HS6ST3: variants seen among roughly 807,000 people sequenced by gnomAD.
The protein encoded by HS6ST3 is heparan sulfate 6-O-sulfotransferase 3.
HS6ST3 carries 12 observed loss-of-function variants against 36.7 expected under a neutral mutation model. The observed-to-expected ratio is 0.33, with a 90% CI of 0.21 to 0.53. HS6ST3 has a LOEUF of 0.53. HS6ST3 is among the 20% of genes least tolerant of loss of function. The pLI is 0.95. For synonymous variants in HS6ST3, 240 were observed against 257.5 expected, an observed-to-expected ratio of 0.93 and a Z score of 0.65; for missense variants, 584 against 640.9, an observed-to-expected ratio of 0.91 and a Z score of 0.96.
chr13:96,752,325 G>A (rs957931519), intron 1 of HS6ST3, among the ~76,000 whole-genome samples: 1 of 151,760 alleles, frequency 6.6e-6, no homozygotes, highest in Admixed American at 6.6e-5. Context: ...ATGCATCACC[G>A]TGTAATGGGC....
intron 1 of HS6ST3, among the ~76,000 whole-genome samples, chr13:96,523,225 A>G (rs895496578): frequency 6.6e-6 from 1 of 152,168 alleles, no homozygotes; most frequent in East Asian, 1.9e-4. Context: ...TTCTGCCGAG[A>G]GGGATCCGCT....
chr13:96,425,572 C>A (rs2055582458), intron 1 of HS6ST3, among the ~76,000 whole-genome samples: 1 of 149,700 alleles, frequency 6.7e-6, no homozygotes, highest in African/African-American at 2.6e-5. Context: ...ATATTTGCAT[C>A]TTTAAATCAT....
chr13:96,557,496 A>G (rs889680103), intron 1 of HS6ST3, among the ~76,000 whole-genome samples: 2 of 152,202 alleles, frequency 1.3e-5, no homozygotes, highest in African/African-American at 4.8e-5. Flanking sequence ...TCTTTCAATG[A>G]AAGGACAGTC....
intron 1 of HS6ST3, among the ~76,000 whole-genome samples, chr13:96,210,058 A>G (rs1203640110): frequency 6.6e-6 from 1 of 152,162 alleles, no homozygotes; most frequent in Non-Finnish European, 1.5e-5. Context: ...TTATTGAGTG[A>G]TTGAAAGACT....
chr13:96,497,320 T>C (rs1330694894), intron 1 of HS6ST3, among the ~76,000 whole-genome samples: 2 of 152,154 alleles, frequency 1.3e-5, no homozygotes, highest in Non-Finnish European at 1.5e-5. Flanking sequence ...AGGTTGGTCC[T>C]GCAGACTCAT....
At chr13:96,822,758 T>C (rs1878564196) in intron 1 of HS6ST3, among the ~76,000 whole-genome samples, 1 of 152,216 alleles carries the variant, frequency 6.6e-6, no homozygotes, top group African/African-American at 2.4e-5. Context: ...CACCCAGCCA[T>C]TGCATACAAA....
chr13:96,671,018 G>A (rs1158470798), intron 1 of HS6ST3, among the ~76,000 whole-genome samples: 1 of 152,084 alleles, frequency 6.6e-6, no homozygotes, highest in Non-Finnish European at 1.5e-5. Context: ...TTAGGGATAG[G>A]CTTTACTTTA....
chr13:96,690,849 A>G (rs377334277), intron 1 of HS6ST3, among the ~76,000 whole-genome samples: 32 of 152,150 alleles, frequency 2.1e-4, no homozygotes, highest in Non-Finnish European at 4.4e-4. Context: ...TCTCATTGTC[A>G]CTGCTCAACT....
intron 1 of HS6ST3, among the ~76,000 whole-genome samples, chr13:96,730,764 C>T (rs1399120484): frequency 1.3e-5 from 2 of 152,072 alleles, no homozygotes; most frequent in Non-Finnish European, 2.9e-5. Flanking sequence ...GATGCGGTTT[C>T]ACTCTGTGGT....
chr13:96,540,932 C>T (rs1214119421), intron 1 of HS6ST3, among the ~76,000 whole-genome samples: 3 of 152,130 alleles, frequency 2.0e-5, no homozygotes, highest in Non-Finnish European at 2.9e-5. Context: ...TCCATCTATG[C>T]GCAGATATAT....
At position 96,400,090 on chromosome 13, in the gene HS6ST3, G is replaced by A. The variant is rs71434515; in HGVS notation, c.707+308521G>A. 6.1e-4 allele frequency among the ~76,000 whole-genome samples: 93 copies of A among 151,838 alleles called. 1 individual carries two copies. The highest frequency in any genetic ancestry group is 1.5e-3 in the South Asian group (7 of 4,798). The stretch of plus-strand genomic sequence containing the variant: ...GAAGCTCAGGTCTTTCACCTTTTCA[G>A]TGGGAGCCACCTCTGCTTATCTCAG... On this transcript the variant is annotated intron_variant, in intron 1 of 1. Transcript: ENST00000376705.
At chr13:96,368,637 T>C (rs146116584) in intron 1 of HS6ST3, among the ~76,000 whole-genome samples, 17 of 152,326 alleles carry the variant, frequency 1.1e-4, no homozygotes, top group Non-Finnish European at 1.9e-4. Context: ...TTGTCAGTTA[T>C]ATATTTTCTC....
chr13:96,480,628 A>G (rs998967269), intron 1 of HS6ST3, among the ~76,000 whole-genome samples: 7 of 152,164 alleles, frequency 4.6e-5, no homozygotes, highest in African/African-American at 1.7e-4. Context: ...AACAGCACCA[A>G]TGATATCAGA....
intron 1 of HS6ST3, among the ~76,000 whole-genome samples, chr13:96,425,345 A>C (rs1026606967): frequency 3.9e-5 from 6 of 152,008 alleles, no homozygotes; most frequent in Non-Finnish European, 8.8e-5. Flanking sequence ...TTTTTGAATT[A>C]AATGTCCTAA....
intron 1 of HS6ST3, among the ~76,000 whole-genome samples, chr13:96,801,065 A>T (rs116652380): frequency 0.015 from 2,265 of 152,066 alleles, 53 homozygotes; most frequent in African/African-American, 0.052. Context: ...TTCTTATGTC[A>T]TTTGGTCTTT....
At chr13:96,284,811 C>A (rs1347990785) in intron 1 of HS6ST3, among the ~76,000 whole-genome samples, 1 of 152,002 alleles carries the variant, frequency 6.6e-6, no homozygotes, top group East Asian at 1.9e-4. Flanking sequence ...TTTCTTCTTT[C>A]TTTCTTTCTT....
intron 1 of HS6ST3, among the ~76,000 whole-genome samples, chr13:96,553,714 T>G (rs995414601): frequency 6.6e-6 from 1 of 152,186 alleles, no homozygotes; most frequent in African/African-American, 2.4e-5. Flanking sequence ...CGTTGAAGCT[T>G]CAGGTGGTAG....
At chr13:96,832,445 G>T in intron 1 of HS6ST3, 45 bp from the exon 2 acceptor site, 2 of 1,398,920 alleles carry the variant, frequency 1.4e-6, no homozygotes, top group Non-Finnish European at 1.9e-6. Flanking sequence ...GATACCTCCT[G>T]TTAGAGTTGT....
intron 1 of HS6ST3, among the ~76,000 whole-genome samples, chr13:96,237,796 G>A (rs1311577146): frequency 6.6e-6 from 1 of 152,108 alleles, no homozygotes; most frequent in African/African-American, 2.4e-5. Flanking sequence ...GGGTTTAGTT[G>A]ACCACTTCCT....
Sources: gnomAD v4.1 joint callset for allele counts (sites outside exome capture counted in the v4.1 genomes callset) on GRCh38, gnomAD v4.1.1 for gene constraint, MANE v1.5 for transcripts, NCBI Gene and HGNC (gene_info 2026-07-23, HGNC 2026-07-21) for gene names.